DLGAP5: variants seen among roughly 807,000 people sequenced by gnomAD.
DLGAP5 encodes disks large-associated protein 5.
A neutral mutation model predicts 99.6 loss-of-function variants in DLGAP5; 90 were observed. The ratio of observed to expected loss-of-function variants is 0.90; its 90% CI spans 0.76 to 1.08. The LOEUF is 1.08. Among genes scored for constraint, DLGAP5 ranks in the 50% least tolerant of loss-of-function variants. The pLI is 0.00. For missense variants in DLGAP5, 1,036 were observed against 983.5 expected (o/e 1.05, Z -0.71); for synonymous variants, 311 against 321.3 (o/e 0.97, Z 0.34).
intron 15 of DLGAP5, among the ~76,000 whole-genome samples, chr14:55,154,128 C>T (rs540044309): frequency 1.3e-4 from 20 of 152,158 alleles, no homozygotes; most frequent in African/African-American, 4.6e-4. Flanking sequence ...AACTCCCCCC[C>T]CTTCAATATG....
rs928927554 is a variant in DLGAP5, at chr14:55,148,797, C to A, written c.2419-324G>T. On this transcript the variant is annotated intron_variant, in intron 18 of 18. Coordinates refer to ENST00000247191, the MANE Select transcript of DLGAP5 (RefSeq NM_014750.5). ...TAGATCTTATTTCAAATGTATATTA[C>A]AGTTTTTTTTATTGGAAAGGTATAT... 1.4e-5 allele frequency: 5 copies of A among 368,390 alleles called. No homozygotes were observed. The Admixed American group carries it at 1.7e-4, about 13-fold the overall frequency. The allele number at this position is 368,390 out of a possible 1,614,324, so 22.8% of individuals were successfully genotyped here. A position where few individuals can be genotyped will look rare whatever the true frequency, so the allele number is the denominator to read the frequency against.
chr14:55,149,551 T>C (rs1444330054), intron 18 of DLGAP5, among the ~76,000 whole-genome samples: 2 of 152,240 alleles, frequency 1.3e-5, no homozygotes, highest in East Asian at 1.9e-4. Flanking sequence ...ACTAAAACTG[T>C]GGTTGTTTGA....
intron 18 of DLGAP5, among the ~76,000 whole-genome samples, chr14:55,149,774 G>T (rs1047665371): frequency 1.4e-5 from 2 of 145,992 alleles, no homozygotes; most frequent in African/African-American, 5.0e-5. Flanking sequence ...GGCCAGGCAC[G>T]GTGGCTCACG....
At chr14:55,188,566 T>C (rs1338216634) in intron 2 of DLGAP5, among the ~76,000 whole-genome samples, 2 of 152,164 alleles carry the variant, frequency 1.3e-5, no homozygotes, top group Non-Finnish European at 2.9e-5. Context: ...AGTGTTATAA[T>C]ACTCCACAGG....
In DLGAP5 at chr14:55,158,510, A is replaced by G. The variant is rs145664806; in HGVS notation, c.1873+12T>C. 2.3e-4 allele frequency: 362 copies of G among 1,601,816 alleles called. 1 individual carries two copies. The African/African-American group carries it at 4.4e-3, about 19-fold the overall frequency. ...GAAAAACAAAAAAAATAAAAAATCA[A>G]AAACAACTAACCTGAGAATAATTTA... On this transcript the variant is annotated intron_variant, in intron 14 of 18. Coordinates refer to ENST00000247191, the MANE Select transcript of DLGAP5 (RefSeq NM_014750.5).
intron 2 of DLGAP5, among the ~76,000 whole-genome samples, chr14:55,184,359 C>A (rs1883367653): frequency 6.6e-6 from 1 of 152,150 alleles, no homozygotes; most frequent in Non-Finnish European, 1.5e-5. Flanking sequence ...TATTTCAACC[C>A]CTAGTCTTTT....
intron 12 of DLGAP5, among the ~76,000 whole-genome samples, chr14:55,166,698 C>T (rs2140314736): frequency 6.6e-6 from 1 of 151,566 alleles, no homozygotes; most frequent in South Asian, 2.1e-4. Flanking sequence ...CATTGCACTC[C>T]AGTCTGGGCA....
Position 55,182,426 on chromosome 14 carries a change from G to T in DLGAP5, c.439C>A (p.Pro147Thr). Residue 147 changes from proline to threonine, a missense_variant, in exon 4 of 19, where the codon CCA becomes ACA. By Grantham distance (38) the Pro-to-Thr change is conservative (BLOSUM62 -1). Transcript: ENST00000247191. ...GACCTTGTAATCCGTACAGAAGATGGAATAGCCTTAGAACAGTCAAAAGAA... is the reference window on the plus strand; with the variant it reads ...GACCTTGTAATCCGTACAGAAGATGTAATAGCCTTAGAACAGTCAAAAGAA... ...AVKAEPKKAIPSSVRITRSKA... is the reference protein window; with the variant it reads ...AVKAEPKKAITSSVRITRSKA... The T allele has an allele frequency of 6.2e-7, 1 of 1,612,088 alleles. No homozygotes were observed. Among genetic ancestry groups the T allele is most frequent in the Admixed American group, 1.7e-5 (1 of 59,898 alleles).
At chr14:55,182,250 C>T (rs1307354566) in intron 4 of DLGAP5, 120 bp downstream of exon 4, 1 of 777,806 alleles carries the variant, frequency 1.3e-6, no homozygotes, top group African/African-American at 1.8e-5. Context: ...GACTTTGGTA[C>T]CTGTTAACTC....
chr14:55,172,719 C>G (rs1274491437), intron 10 of DLGAP5, among the ~76,000 whole-genome samples: 1 of 152,108 alleles, frequency 6.6e-6, no homozygotes, highest in Non-Finnish European at 1.5e-5. Flanking sequence ...CACGGTGGCT[C>G]TCGCCTGTAA....
chr14:55,152,523 T>C, intron 16 of DLGAP5, 67 bp downstream of exon 16: 1 of 1,237,764 alleles, frequency 8.1e-7, no homozygotes, highest in East Asian at 2.6e-5. Flanking sequence ...CTTTACAAAG[T>C]TACTTTCTAT....
At chr14:55,148,665 G>A (rs780151823) in intron 18 of DLGAP5, 192 bp from the exon 19 acceptor site, 2 of 1,129,534 alleles carry the variant, frequency 1.8e-6, no homozygotes, top group Non-Finnish European at 2.6e-6. Context: ...ACCAGCCCGA[G>A]CAACATAGCA....
intron 15 of DLGAP5, 140 bp downstream of exon 15, chr14:55,154,477 G>C: frequency 8.8e-6 from 6 of 682,748 alleles, no homozygotes; most frequent in Non-Finnish European, 1.5e-5. Flanking sequence ...TTTATAAAAA[G>C]GGAGTACTGC....
chr14:55,165,664 T>C (rs1165779628), intron 12 of DLGAP5, among the ~76,000 whole-genome samples: 2 of 152,238 alleles, frequency 1.3e-5, no homozygotes, highest in African/African-American at 4.8e-5. Context: ...CAGATAGTAC[T>C]GAACCCTATA....
chr14:55,189,326 G>A, intron 1 of DLGAP5, 146 bp from the exon 2 acceptor site: 1 of 687,460 alleles, frequency 1.5e-6, no homozygotes, highest in Non-Finnish European at 2.5e-6. Context: ...ACACTGAAAA[G>A]TGAGAAGAAG....
chr14:55,153,561 T>G (rs892230797), intron 15 of DLGAP5, among the ~76,000 whole-genome samples: 2 of 151,020 alleles, frequency 1.3e-5, no homozygotes, highest in African/African-American at 4.9e-5. Context: ...AAAAAATTTA[T>G]CTCCACTTCT....
At chr14:55,158,183 A>T (rs985460395) in intron 14 of DLGAP5, among the ~76,000 whole-genome samples, 3 of 152,228 alleles carry the variant, frequency 2.0e-5, no homozygotes, top group Non-Finnish European at 2.9e-5. Flanking sequence ...TTACTTCTTC[A>T]TGCTTCCGTC....
At chr14:55,156,137 C>T (rs1184236069) in intron 14 of DLGAP5, among the ~76,000 whole-genome samples, 1 of 151,700 alleles carries the variant, frequency 6.6e-6, no homozygotes, top group East Asian at 1.9e-4. Context: ...ATTTCTACCA[C>T]ATAACCCCTC....
At chr14:55,169,103 G>C (rs897292393) in intron 12 of DLGAP5, among the ~76,000 whole-genome samples, 1 of 148,258 alleles carries the variant, frequency 6.7e-6, no homozygotes, top group African/African-American at 2.5e-5. Context: ...GTGAACCTGG[G>C]GGGCAGAGAC....
Sources: allele counts gnomAD v4.1 joint callset (sites outside exome capture counted in the v4.1 genomes callset), GRCh38; gene constraint gnomAD v4.1.1; transcripts MANE v1.5; gene names NCBI Gene and HGNC (gene_info 2026-07-23, HGNC 2026-07-21).